The following PELI2 variants were observed in gnomAD, a reference collection of about 807,000 sequenced individuals.
The protein encoded by PELI2 is pellino E3 ubiquitin protein ligase family member 2.
PELI2 carries 23 observed loss-of-function variants against 42.3 expected under a neutral mutation model. The ratio of observed to expected loss-of-function variants is 0.54; its 90% CI spans 0.39 to 0.77. PELI2 has a LOEUF of 0.77. PELI2 is among the 30% of genes least tolerant of loss of function. The pLI is 0.00. For synonymous variants in PELI2, 245 were observed against 212.2 expected, an observed-to-expected ratio of 1.15 and a Z score of -1.34; for missense variants, 463 against 553.2, an observed-to-expected ratio of 0.84 and a Z score of 1.64.
intron 1 of PELI2, among the ~76,000 whole-genome samples, chr14:56,157,321 G>T (rs970663880): frequency 1.3e-4 from 20 of 152,114 alleles, no homozygotes; most frequent in African/African-American, 4.8e-4. Flanking sequence ...AAATAAGCTT[G>T]AATTTGTATA....
At chr14:56,159,366 C>G (rs1284508718) in intron 1 of PELI2, among the ~76,000 whole-genome samples, 1 of 152,172 alleles carries the variant, frequency 6.6e-6, no homozygotes, top group Non-Finnish European at 1.5e-5. Flanking sequence ...GGCAGAGATG[C>G]CAGAGTATAA....
intron 2 of PELI2, among the ~76,000 whole-genome samples, chr14:56,186,734 AT>A (rs1177535994): frequency 6.6e-6 from 1 of 152,198 alleles, no homozygotes; most frequent in Non-Finnish European, 1.5e-5. Context: ...TATCTGTGTA[AT>A]TATCTGCATT....
chr14:56,122,743 C>T (rs1255591288), intron 1 of PELI2, among the ~76,000 whole-genome samples: 2 of 152,102 alleles, frequency 1.3e-5, no homozygotes, highest in African/African-American at 4.8e-5. Flanking sequence ...TCATGATATT[C>T]AAACTGCAGT....
intron 1 of PELI2, among the ~76,000 whole-genome samples, chr14:56,168,910 G>A (rs1365783693): frequency 6.6e-6 from 1 of 151,930 alleles, no homozygotes; most frequent in African/African-American, 2.4e-5. Context: ...GGCAGGACTG[G>A]GTCCTTCCCT....
chr14:56,274,452 A>C (rs1889218838), intron 2 of PELI2, among the ~76,000 whole-genome samples: 1 of 152,212 alleles, frequency 6.6e-6, no homozygotes, highest in South Asian at 2.1e-4. Context: ...ATACTTTAAA[A>C]TTTGGATGAA....
chr14:56,227,832 A>G (rs898083035), intron 2 of PELI2, among the ~76,000 whole-genome samples: 10 of 152,234 alleles, frequency 6.6e-5, no homozygotes, highest in African/African-American at 1.7e-4. Context: ...AGAGTGCTCA[A>G]AAATTACAGA....
chr14:56,191,699 G>T (rs975369354), intron 2 of PELI2, among the ~76,000 whole-genome samples: 1 of 152,192 alleles, frequency 6.6e-6, no homozygotes, highest in Non-Finnish European at 1.5e-5. Flanking sequence ...TAGTGAAGTT[G>T]CTGTGCCACT....
intron 5 of PELI2, among the ~76,000 whole-genome samples, chr14:56,293,909 CT>C (rs1352517136): frequency 6.6e-6 from 1 of 152,216 alleles, no homozygotes; most frequent in Non-Finnish European, 1.5e-5. Context: ...ACCTCAGCTT[CT>C]TACCACATCA....
At chr14:56,124,503 C>CTG (rs1883178689) in intron 1 of PELI2, among the ~76,000 whole-genome samples, 1 of 152,222 alleles carries the variant, frequency 6.6e-6, no homozygotes, top group Non-Finnish European at 1.5e-5. Context: ...TCCTGGTGAA[C>CTG]TGCTCTCTTA....
intron 2 of PELI2, among the ~76,000 whole-genome samples, chr14:56,266,872 G>A (rs1888926020): frequency 6.6e-6 from 1 of 151,976 alleles, no homozygotes; most frequent in Admixed American, 6.6e-5. Flanking sequence ...AAACCATGCT[G>A]CATCTATACA....
At chr14:56,267,092 A>G (rs1235915701) in intron 2 of PELI2, among the ~76,000 whole-genome samples, 3 of 152,216 alleles carry the variant, frequency 2.0e-5, no homozygotes, top group East Asian at 3.9e-4. Flanking sequence ...TGGAATTGGA[A>G]GGGAGATACC....
chr14:56,286,440 C>T (rs1889647599), intron 3 of PELI2, among the ~76,000 whole-genome samples: 1 of 152,166 alleles, frequency 6.6e-6, no homozygotes, highest in Non-Finnish European at 1.5e-5. Context: ...AGCTGACATC[C>T]AGGCAAACCC....
chr14:56,243,155 GA>G (rs955683002), intron 2 of PELI2, among the ~76,000 whole-genome samples: 2 of 152,098 alleles, frequency 1.3e-5, no homozygotes, highest in African/African-American at 4.8e-5. Flanking sequence ...AACAACAACA[GA>G]AAAAAGAAAA....
chr14:56,118,721 G>C lies in PELI2; in HGVS notation c.61G>C (p.Glu21Gln), dbSNP rs771174117. The change falls in exon 1 of 6, where the codon GAG (glutamate) becomes CAG (glutamine). Residue 21 changes from glutamate to glutamine, a missense_variant. Physicochemically the swap from Glu to Gln is conservative, Grantham distance 29. Around this residue, in one of 3 missense-constraint regions of PELI2, gnomAD observed 343 missense variants for 378.4 expected, o/e 0.91. Transcript: ENST00000267460. ...CAATAAGGAGCCAGTGAAATACGGG[G>C]AGCTGGTGGTGCTCGGGTGAGTCCT... ...APNKEPVKYG[E>Q]LVVLGYNGAL... The C allele has an allele frequency of 6.5e-7, 1 of 1,529,168 alleles. No individual in the cohort carries two copies. Among genetic ancestry groups the C allele is most frequent in the Admixed American group, 2.0e-5 (1 of 50,454 alleles). 94.7% of individuals were successfully genotyped at this position (1,529,168 alleles called of 1,614,324 possible).
chr14:56,151,788 A>C (rs541679573), intron 1 of PELI2, among the ~76,000 whole-genome samples: 1 of 152,356 alleles, frequency 6.6e-6, no homozygotes, highest in East Asian at 1.9e-4. Context: ...TTAAGAAACA[A>C]ATTATTAGTA....
intron 2 of PELI2, among the ~76,000 whole-genome samples, chr14:56,267,177 A>G (rs1888937112): frequency 6.6e-6 from 1 of 152,110 alleles, no homozygotes; most frequent in Non-Finnish European, 1.5e-5. Context: ...AAATCAGTCA[A>G]GAACCCGAGG....
At chr14:56,233,692 T>C (rs893576726) in intron 2 of PELI2, among the ~76,000 whole-genome samples, 3 of 152,160 alleles carry the variant, frequency 2.0e-5, no homozygotes, top group African/African-American at 7.2e-5. Flanking sequence ...AACATAGGCA[T>C]GGACAAGGAC....
intron 5 of PELI2, among the ~76,000 whole-genome samples, chr14:56,292,278 A>G (rs1889853765): frequency 6.6e-6 from 1 of 152,150 alleles, no homozygotes; most frequent in Non-Finnish European, 1.5e-5. Flanking sequence ...GCCAGTTACA[A>G]AGGCTTCTAT....
At chr14:56,285,762 T>G (rs1349731351) in intron 3 of PELI2, among the ~76,000 whole-genome samples, 1 of 151,812 alleles carries the variant, frequency 6.6e-6, no homozygotes, top group Non-Finnish European at 1.5e-5. Context: ...GGTGAGGAAG[T>G]GGAGGAGATA....
Sources: gnomAD v4.1 joint callset for allele counts (sites outside exome capture counted in the v4.1 genomes callset) on GRCh38, gnomAD v4.1.1 for gene constraint, gnomAD v4.1.1 regional missense constraint, MANE v1.5 for transcripts, NCBI Gene and HGNC (gene_info 2026-07-23, HGNC 2026-07-21) for gene names.